Variants in DOK5 observed in about 807,000 individuals in gnomAD.
The protein encoded by DOK5 is docking protein 5, also known as downstream of tyrosine kinase 5.
In DOK5, 27 loss-of-function variants were observed where a neutral mutation model predicts 43.3. That is an observed-to-expected ratio of 0.62 (90% CI 0.46 to 0.86). DOK5 has a LOEUF of 0.86. Ranked by LOEUF, DOK5 falls within the 40% of genes least tolerant of loss-of-function variation. DOK5 has a pLI of 0.00. For missense variants in DOK5, 373 were observed against 392.9 expected (o/e 0.95, Z 0.43); for synonymous variants, 146 against 140.1 (o/e 1.04, Z -0.30).
At chr20:54,523,453 C>T (rs1206578053) in intron 1 of DOK5, among the ~76,000 whole-genome samples, 1 of 152,014 alleles carries the variant, frequency 6.6e-6, no homozygotes, top group African/African-American at 2.4e-5. Flanking sequence ...GTTATCCCAG[C>T]TACTCTGGAG....
At chr20:54,536,147 A>G (rs185513088) in intron 1 of DOK5, among the ~76,000 whole-genome samples, 224 of 152,364 alleles carry the variant, frequency 1.5e-3, no homozygotes, top group Non-Finnish European at 2.7e-3. Context: ...AAAAATGCAG[A>G]CAAATCAGTA....
At chr20:54,593,215 C>T (rs965046439) in intron 5 of DOK5, among the ~76,000 whole-genome samples, 2 of 151,828 alleles carry the variant, frequency 1.3e-5, no homozygotes, top group Admixed American at 6.5e-5. Flanking sequence ...CTGAGATCAC[C>T]CACTGCACTC....
In DOK5 at chr20:54,641,499, T is replaced by A. The variant is rs528565485; in HGVS notation, c.736-1959T>A. On this transcript the variant is annotated intron_variant, in intron 6 of 7. Transcript: ENST00000262593. ...TTTTTCTTTAAGAGATTGGAAATTT[T>A]TAAAAAAAAAATCCTAACATGGGCA... Among the ~76,000 whole-genome samples the A allele has an allele frequency of 4.0e-3, 615 of 151,918 alleles. 4 individuals are homozygous for A. The highest frequency in any genetic ancestry group is 0.014 in the African/African-American group (586 of 41,380).
chr20:54,650,390 T>A (rs79858797), intron 7 of DOK5, 25 bp from the exon 8 acceptor site: 95,539 of 1,611,260 alleles, frequency 0.059, 3,142 homozygotes, highest in Non-Finnish European at 0.068. Flanking sequence ...ATGTAACTGT[T>A]GATTTTAAAT....
intron 6 of DOK5, among the ~76,000 whole-genome samples, chr20:54,615,979 C>T (rs6098119): frequency 0.033 from 5,073 of 152,074 alleles, 311 homozygotes; most frequent in African/African-American, 0.12. Context: ...TGACCACAGC[C>T]AAGAGAAACT....
intron 1 of DOK5, among the ~76,000 whole-genome samples, chr20:54,550,266 T>C (rs1051661889): frequency 5.9e-5 from 9 of 152,164 alleles, no homozygotes; most frequent in African/African-American, 1.9e-4. Context: ...CTTTAATATC[T>C]GTACATCTTA....
chr20:54,624,691 T>C (rs1367226844), intron 6 of DOK5, among the ~76,000 whole-genome samples: 1 of 152,182 alleles, frequency 6.6e-6, no homozygotes, highest in Non-Finnish European at 1.5e-5. Context: ...CAGAAAAAGT[T>C]ACCGGAGGCA....
At chr20:54,554,534 G>C (rs745674801) in intron 1 of DOK5, among the ~76,000 whole-genome samples, 2 of 152,168 alleles carry the variant, frequency 1.3e-5, no homozygotes, top group African/African-American at 4.8e-5. Flanking sequence ...CCAGATTCTA[G>C]GATGGGCAAT....
chr20:54,589,858 G>A (rs538849578), intron 4 of DOK5, among the ~76,000 whole-genome samples: 1 of 152,198 alleles, frequency 6.6e-6, no homozygotes, highest in South Asian at 2.1e-4. Flanking sequence ...GTTATTGACC[G>A]AGACCTAGAA....
At chr20:54,622,548 C>T (rs1283898430) in intron 6 of DOK5, among the ~76,000 whole-genome samples, 1 of 152,324 alleles carries the variant, frequency 6.6e-6, no homozygotes, top group South Asian at 2.1e-4. Flanking sequence ...TTGGTTGACT[C>T]GTGGCTATGC....
chr20:54,488,947 C>T (rs999757945), intron 1 of DOK5, among the ~76,000 whole-genome samples: 4 of 152,058 alleles, frequency 2.6e-5, no homozygotes, highest in Non-Finnish European at 4.4e-5. Context: ...ATCCCCAGGT[C>T]GTAGTCCTTA....
chr20:54,573,609 T>C (rs35646814), intron 2 of DOK5, among the ~76,000 whole-genome samples: 56,134 of 148,252 alleles, frequency 0.38, 17,006 homozygotes, highest in African/African-American at 0.85. Context: ...ATCGCTTGAA[T>C]CTGGGAGGCA....
chr20:54,524,987 G>C (rs1404322229), intron 1 of DOK5, among the ~76,000 whole-genome samples: 1 of 152,180 alleles, frequency 6.6e-6, no homozygotes, highest in Admixed American at 6.5e-5. Context: ...ATTATTTGAG[G>C]GTGTTCCCAA....
chr20:54,585,956 T>C (rs1367579430), intron 2 of DOK5, among the ~76,000 whole-genome samples: 1 of 152,158 alleles, frequency 6.6e-6, no homozygotes, highest in Non-Finnish European at 1.5e-5. Flanking sequence ...ACCCTGTCTC[T>C]ACTAAAAATA....
chr20:54,641,761 A>G (rs1279609969), intron 6 of DOK5, among the ~76,000 whole-genome samples: 1 of 152,218 alleles, frequency 6.6e-6, no homozygotes, highest in Non-Finnish European at 1.5e-5. Flanking sequence ...GTGGTACGAC[A>G]TATAAATGTT....
intron 5 of DOK5, among the ~76,000 whole-genome samples, chr20:54,604,302 C>CT (rs548292886): frequency 0.033 from 4,728 of 143,780 alleles, 196 homozygotes; most frequent in African/African-American, 0.1. Flanking sequence ...ACATTCTGTG[C>CT]TTTTTTTTTT....
chr20:54,615,056 T>C (rs1986763122), intron 6 of DOK5, among the ~76,000 whole-genome samples: 1 of 152,236 alleles, frequency 6.6e-6, no homozygotes, highest in Admixed American at 6.5e-5. Flanking sequence ...AACTCATATC[T>C]GGCCATAGCC....
At chr20:54,477,601 A>G (rs749736441) in intron 1 of DOK5, among the ~76,000 whole-genome samples, 3 of 151,938 alleles carry the variant, frequency 2.0e-5, no homozygotes, top group Non-Finnish European at 2.9e-5. Flanking sequence ...TATTTTTGGT[A>G]TGCTTATAGG....
intron 5 of DOK5, among the ~76,000 whole-genome samples, chr20:54,598,007 T>C (rs937106642): frequency 2.0e-5 from 3 of 152,040 alleles, no homozygotes; most frequent in Non-Finnish European, 4.4e-5. Context: ...CGCACTGGGG[T>C]ATAAATGTTC....
Sources: allele counts gnomAD v4.1 joint callset (sites outside exome capture counted in the v4.1 genomes callset), GRCh38; gene constraint gnomAD v4.1.1; transcripts MANE v1.5; gene names NCBI Gene and HGNC (gene_info 2026-07-23, HGNC 2026-07-21).